Variants in GALNT10 observed in about 807,000 individuals in gnomAD.
GALNT10 encodes the protein polypeptide N-acetylgalactosaminyltransferase 10, also known as GalNAc transferase 10.
Under a neutral mutation model 75.0 loss-of-function variants are expected in GALNT10, and 41 were observed. That is an observed-to-expected ratio of 0.55 (90% CI 0.43 to 0.71). The LOEUF (loss-of-function observed/expected upper bound fraction) is 0.71, where lower values mean the gene tolerates loss of function less well. GALNT10 is among the 30% of genes least tolerant of loss of function. GALNT10 has a pLI of 0.00. For synonymous variants in GALNT10, 302 were observed against 313.0 expected (o/e 0.96, Z 0.37); for missense variants, 727 against 818.5 (o/e 0.89, Z 1.36).
chr5:154,346,211 A>C (rs1755122817), intron 4 of GALNT10, among the ~76,000 whole-genome samples: 1 of 151,872 alleles, frequency 6.6e-6, no homozygotes, highest in African/African-American at 2.4e-5. Context: ...GTTGGTGGAC[A>C]CTTAGGTTGT....
chr5:154,232,292 A>G (rs997255421), intron 1 of GALNT10, among the ~76,000 whole-genome samples: 5 of 152,178 alleles, frequency 3.3e-5, no homozygotes, highest in African/African-American at 1.2e-4. Context: ...TGTAAGGTTA[A>G]TTGGCTATTA....
At chr5:154,211,440 C>T (rs1775196854) in intron 1 of GALNT10, among the ~76,000 whole-genome samples, 1 of 152,166 alleles carries the variant, frequency 6.6e-6, no homozygotes, top group Admixed American at 6.5e-5. Context: ...TTTGTCTTAA[C>T]AATAGAGAAA....
intron 1 of GALNT10, among the ~76,000 whole-genome samples, chr5:154,193,117 G>C (rs1336715147): frequency 6.6e-6 from 1 of 151,230 alleles, no homozygotes; most frequent in Non-Finnish European, 1.5e-5. Context: ...CTCTGGAATA[G>C]CATGAAGAGG....
At chr5:154,309,700 G>A (rs1329100881) in intron 3 of GALNT10, among the ~76,000 whole-genome samples, 1 of 152,158 alleles carries the variant, frequency 6.6e-6, no homozygotes. Flanking sequence ...CTGGGGAGAT[G>A]GAGTTGCCAT....
intron 1 of GALNT10, among the ~76,000 whole-genome samples, chr5:154,212,566 G>GATT (rs1752780609): frequency 6.6e-6 from 1 of 152,190 alleles, no homozygotes; most frequent in African/African-American, 2.4e-5. Flanking sequence ...TAACAACAGA[G>GATT]ATTAATTCAC....
In GALNT10 at chr5:154,376,231, C is replaced by T; in HGVS notation, c.569-46C>T. On this transcript the variant is annotated intron_variant, in intron 4 of 11. Transcript: ENST00000297107. The surrounding 1 kb of genome is among the most constrained non-coding windows in gnomAD (Gnocchi z 4.1). ...TGTAAGGGAGGAGTCATAAGGATGACTACTAAGCAACTGTTCTCACTCTTC... is the reference window on the plus strand; with the variant it reads ...TGTAAGGGAGGAGTCATAAGGATGATTACTAAGCAACTGTTCTCACTCTTC... 3 of 1,271,372 alleles carry T rather than the reference C, an allele frequency of 2.4e-6. No individual in the cohort carries two copies. Among genetic ancestry groups the T allele is most frequent in the Non-Finnish European group, 3.4e-6 (3 of 878,392 alleles). 78.8% of individuals were successfully genotyped at this position (1,271,372 alleles called of 1,614,324 possible). A position where few individuals can be genotyped will look rare whatever the true frequency, so the allele number is the denominator to read the frequency against.
At chr5:154,297,885 C>G (rs1284649718) in intron 2 of GALNT10, 56 bp from the exon 3 acceptor site, 1 of 1,500,802 alleles carries the variant, frequency 6.7e-7, no homozygotes, top group East Asian at 2.3e-5. Context: ...TTTCCCCACT[C>G]CATATACAGT....
chr5:154,253,366 G>A (rs1753557295), intron 1 of GALNT10, among the ~76,000 whole-genome samples: 1 of 134,074 alleles, frequency 7.5e-6, no homozygotes, highest in Non-Finnish European at 1.6e-5. Context: ...CACAGGAAGG[G>A]GAACATCACA....
chr5:154,396,293 A>G (rs889027), intron 7 of GALNT10, among the ~76,000 whole-genome samples: 67,856 of 152,056 alleles, frequency 0.45, 17,648 homozygotes, highest in African/African-American at 0.71. Context: ...ACAAGCCCCC[A>G]GGGCAGAAAA....
At chr5:154,340,697 G>A (rs1043002320) in intron 4 of GALNT10, among the ~76,000 whole-genome samples, 10 of 152,184 alleles carry the variant, frequency 6.6e-5, no homozygotes, top group African/African-American at 2.4e-4. Flanking sequence ...ATACTTCAGA[G>A]CTTCTTCCCA....
intron 1 of GALNT10, among the ~76,000 whole-genome samples, chr5:154,293,079 T>C (rs1185438857): frequency 2.0e-5 from 3 of 152,200 alleles, no homozygotes; most frequent in Non-Finnish European, 4.4e-5. Context: ...AAAGGATTGT[T>C]ATTATTACTA....
In GALNT10 at chr5:154,376,727, A is replaced by G. The variant is rs1755657132; in HGVS notation, c.754+265A>G. Among the ~76,000 whole-genome samples, 1 of 152,178 alleles carries G rather than the reference A, an allele frequency of 6.6e-6. No homozygotes were observed. Among genetic ancestry groups the G allele is most frequent in the African/African-American group, 2.4e-5 (1 of 41,446 alleles). On this transcript the variant is annotated intron_variant, in intron 5 of 11. Transcript: ENST00000297107. The surrounding 1 kb of genome is among the most constrained non-coding windows in gnomAD (Gnocchi z 4.1). ...AAAGTCACACAGCACATGAGCATCTAGTGACATGACGGCTTTCCTCAGATG... is the reference window on the plus strand; with the variant it reads ...AAAGTCACACAGCACATGAGCATCTGGTGACATGACGGCTTTCCTCAGATG...
chr5:154,197,097 AT>A (rs1433790956), intron 1 of GALNT10, among the ~76,000 whole-genome samples: 1 of 152,094 alleles, frequency 6.6e-6, no homozygotes, highest in Non-Finnish European at 1.5e-5. Flanking sequence ...GGCTGAGATG[AT>A]TAGCTGTGTG....
chr5:154,320,218 G>A (rs1009640628), intron 3 of GALNT10, among the ~76,000 whole-genome samples: 1 of 152,200 alleles, frequency 6.6e-6, no homozygotes, highest in Non-Finnish European at 1.5e-5. Context: ...ACAGGCACAC[G>A]TTCAGGGCTG....
chr5:154,376,128 C>G lies in GALNT10; in HGVS notation c.569-149C>G, dbSNP rs2113172817. On this transcript the variant is annotated intron_variant, in intron 4 of 11. Coordinates refer to ENST00000297107, the MANE Select transcript of GALNT10 (RefSeq NM_198321.4). This position sits in a 1 kb window ranked among gnomAD's most constrained non-coding sequence, Gnocchi z 4.1. ...AGTACACAGGTGATGAGAACACTGCCCTTCTTCTCCCTGTCTGAAAGGTCT... is the reference window on the plus strand; with the variant it reads ...AGTACACAGGTGATGAGAACACTGCGCTTCTTCTCCCTGTCTGAAAGGTCT... 4.6e-6 allele frequency: 3 copies of G among 658,250 alleles called. No homozygotes were observed. The highest frequency in any genetic ancestry group is 1.9e-5 in the African/African-American group (1 of 53,888). The allele number at this position is 658,250 out of a possible 1,614,324, so 40.8% of individuals were successfully genotyped here.
At chr5:154,324,825 T>C (rs1754732351) in intron 3 of GALNT10, among the ~76,000 whole-genome samples, 1 of 152,182 alleles carries the variant, frequency 6.6e-6, no homozygotes, top group African/African-American at 2.4e-5. Context: ...ATTCCTCTTC[T>C]GAACTAAAGC....
At chr5:154,279,464 C>T (rs1754006181) in intron 1 of GALNT10, among the ~76,000 whole-genome samples, 1 of 151,556 alleles carries the variant, frequency 6.6e-6, no homozygotes, top group Admixed American at 6.6e-5. Context: ...CCACCACACC[C>T]AGCTAATTTT....
At chr5:154,210,716 C>T (rs973124065) in intron 1 of GALNT10, among the ~76,000 whole-genome samples, 4 of 152,254 alleles carry the variant, frequency 2.6e-5, no homozygotes, top group South Asian at 4.1e-4. Context: ...AAGGAATAAA[C>T]CATCTTGGAT....
At chr5:154,262,923 A>G (rs1753721365) in intron 1 of GALNT10, among the ~76,000 whole-genome samples, 1 of 151,950 alleles carries the variant, frequency 6.6e-6, no homozygotes, top group African/African-American at 2.4e-5. Flanking sequence ...GTAACTAGAT[A>G]TAATGCAGAA....
Sources: allele counts gnomAD v4.1 joint callset (sites outside exome capture counted in the v4.1 genomes callset), GRCh38; gene constraint gnomAD v4.1.1; non-coding constraint Gnocchi (gnomAD v3.1); transcripts MANE v1.5; gene names NCBI Gene and HGNC (gene_info 2026-07-23, HGNC 2026-07-21).